Variants in HEATR1 observed in about 807,000 individuals in gnomAD.
HEATR1 encodes HEAT repeat-containing protein 1.
A neutral mutation model predicts 248.2 loss-of-function variants in HEATR1; 77 were observed. That is an observed-to-expected ratio of 0.31 (90% CI 0.26 to 0.37). The LOEUF (loss-of-function observed/expected upper bound fraction) is 0.37. Ranked by LOEUF, HEATR1 falls within the 10% of genes least tolerant of loss-of-function variation. The probability of loss-of-function intolerance (pLI) is 1.00; values close to 1 mark genes in which losing one functional copy is unlikely to be tolerated. For missense variants in HEATR1, 2,420 were observed against 2,504.9 expected (o/e 0.97, Z 0.72); for synonymous variants, 897 against 923.1 (o/e 0.97, Z 0.51).
intron 43 of HEATR1, 146 bp downstream of exon 43, chr1:236,553,435 A>G: frequency 1.3e-6 from 1 of 794,874 alleles, no homozygotes; most frequent in Non-Finnish European, 1.8e-6. Context: ...CCTAATACAA[A>G]AGACCGGACC....
At position 236,553,667 on chromosome 1, in the gene HEATR1, G is replaced by A; in HGVS notation, c.6151C>T (p.Gln2051Ter). The part of the protein sequence containing the change: ...VTKHLIPCIA[Q>*]FSVAMADDSL... ...TCATCCGCCATGGCCACCGAAAACT[G>A]TGCGATGCATGGTATCAGGTGCTTT... The change falls in exon 43 of 45, where the codon CAG (glutamine) becomes TAG (stop). Residue 2051 changes from glutamine to a stop codon, truncating the protein, a stop_gained. Transcript: ENST00000366582. LOFTEE classifies it high-confidence loss of function. 6.2e-7 allele frequency: 1 copy of A among 1,614,088 alleles called. No individual in the cohort carries two copies. Among genetic ancestry groups the A allele is most frequent in the Non-Finnish European group, 8.5e-7 (1 of 1,179,982 alleles).
chr1:236,589,938 G>A (rs984067673), intron 12 of HEATR1, among the ~76,000 whole-genome samples: 1 of 152,190 alleles, frequency 6.6e-6, no homozygotes, highest in Non-Finnish European at 1.5e-5. Flanking sequence ...TACTATCAGT[G>A]GTAATTTGTA....
chr1:236,568,900 A>AAAC, intron 29 of HEATR1, 96 bp downstream of exon 29: 3 of 577,730 alleles, frequency 5.2e-6, no homozygotes, highest in Middle Eastern at 4.9e-4. Context: ...AAAAAAAACA[A>AAAC]AAAAAAAAAA....
At chr1:236,599,692 G>C in intron 3 of HEATR1, 68 bp from the exon 4 acceptor site, 1 of 1,374,290 alleles carries the variant, frequency 7.3e-7, no homozygotes, top group Non-Finnish European at 1.0e-6. Context: ...TTCCTCACAT[G>C]CCCAAACTGT....
chr1:236,574,163 AACATTAATAAAAAAAATT>A lies in HEATR1; in HGVS notation c.3459+21_3459+38del, dbSNP rs772784518. 3 of 1,564,778 alleles carry A rather than the reference AACATTAATAAAAAAAATT, an allele frequency of 1.9e-6. No individual in the cohort carries two copies. The South Asian group carries it at 3.6e-5, about 19-fold the overall frequency. On this transcript the variant is annotated intron_variant, in intron 24 of 44. Coordinates refer to ENST00000366582, the MANE Select transcript of HEATR1 (RefSeq NM_018072.6). ...ATGGTGTCCCTTGGAAGAGACTATAAACATTAATAAAAAAAATTACAAGAAGTTTGCAGCTTACCCCTT... is the reference window on the plus strand; with the variant it reads ...ATGGTGTCCCTTGGAAGAGACTATAAACAAGAAGTTTGCAGCTTACCCCTT...
In HEATR1 at chr1:236,559,087, G is replaced by C; in HGVS notation, c.4819C>G (p.Leu1607Val). The C allele has an allele frequency of 6.2e-7, 1 of 1,612,372 alleles. No homozygotes were observed. ...TETFIPVIRGLVGNPLPSVRR... is the reference protein window; with the variant it reads ...TETFIPVIRGVVGNPLPSVRR... ...ACAGATGGCAGGGGATTGCCCACCA[G>C]CCCTCTGATCACAGGAATGAATGTC... The change falls in exon 35 of 45, where the codon CTG (leucine) becomes GTG (valine). Residue 1607 changes from leucine to valine, a missense_variant. Coordinates refer to ENST00000366582, the MANE Select transcript of HEATR1 (RefSeq NM_018072.6).
At position 236,592,531 on chromosome 1, in the gene HEATR1, T is replaced by C. The variant is rs145818478; in HGVS notation, c.1296A>G (p.Leu432=). 4.2e-4 allele frequency: 575 copies of C among 1,358,132 alleles called. 1 individual carries two copies. In the Middle Eastern group the frequency reaches 5.2e-3, roughly 12 times the overall value. The allele number at this position is 1,358,132 out of a possible 1,614,324, so 84.1% of individuals were successfully genotyped here. ...ATACACACGTAACTTACTTGCTTTCTAAAAGCCTAATGAGTGGAAGAAATT... is the reference window on the plus strand; with the variant it reads ...ATACACACGTAACTTACTTGCTTTCCAAAAGCCTAATGAGTGGAAGAAATT... ...NEQFLPLIRL[L]ESKYPRTLDV... The change falls in exon 10 of 45, where the codon TTA becomes TTG. Residue 432 remains leucine, a synonymous_variant. Transcript: ENST00000366582.
At chr1:236,592,157 T>A in intron 10 of HEATR1, 47 bp from the exon 11 acceptor site, 1 of 979,000 alleles carries the variant, frequency 1.0e-6, no homozygotes, top group Non-Finnish European at 1.6e-6. Context: ...ATAAATTTAT[T>A]AATCTCATAC....
chr1:236,572,642 T>C (rs1320308519), intron 25 of HEATR1, 83 bp downstream of exon 25: 4 of 1,596,414 alleles, frequency 2.5e-6, no homozygotes, highest in African/African-American at 2.7e-5. Flanking sequence ...AGCAAATTGA[T>C]GAGTATCAAA....
intron 20 of HEATR1, among the ~76,000 whole-genome samples, chr1:236,580,674 G>A (rs988040331): frequency 2.0e-5 from 3 of 151,854 alleles, no homozygotes; most frequent in Admixed American, 6.6e-5. Context: ...GCACCATCAC[G>A]CCCAGCTAAT....
intron 40 of HEATR1, 35 bp downstream of exon 40, chr1:236,555,516 G>C (rs747850675): frequency 2.5e-5 from 40 of 1,613,748 alleles, no homozygotes; most frequent in Non-Finnish European, 3.4e-5. Flanking sequence ...ACTTAAATCT[G>C]AGCACAAAAG....
rs181184819 is a variant in HEATR1 at position 236,566,553 on chromosome 1, A to T, written c.4308+93T>A. ...AAAAAGGTTCTAAATAACACACATT[A>T]GGCATCATCAGCCCCATGTTTAAAC... is the stretch of plus-strand genomic sequence containing the variant. On this transcript the variant is annotated intron_variant, in intron 30 of 44. Coordinates refer to ENST00000366582, the MANE Select transcript of HEATR1 (RefSeq NM_018072.6). 9.9e-4 allele frequency: 878 copies of T among 883,006 alleles called. 4 individuals carry two copies. In the African/African-American group the frequency reaches 0.012, roughly 12 times the overall value. The allele number at this position is 883,006 out of a possible 1,614,324, so 54.7% of individuals were successfully genotyped here.
intron 9 of HEATR1, 77 bp downstream of exon 9, chr1:236,593,935 A>T: frequency 1.0e-6 from 1 of 959,332 alleles, no homozygotes; most frequent in Non-Finnish European, 1.6e-6. Flanking sequence ...GAATGCTGGG[A>T]AATTTCTAAC....
chr1:236,598,705 T>G (rs1247197886), intron 4 of HEATR1, among the ~76,000 whole-genome samples: 2 of 152,310 alleles, frequency 1.3e-5, no homozygotes, highest in East Asian at 3.9e-4. Context: ...CCTATCTTAC[T>G]AATTCTGAAC....
intron 20 of HEATR1, among the ~76,000 whole-genome samples, chr1:236,579,016 T>C (rs1026525432): frequency 2.0e-4 from 31 of 152,330 alleles, no homozygotes; most frequent in Middle Eastern, 3.4e-3. Context: ...TGCTAGAAAT[T>C]TTCCATTATA....
chr1:236,551,951 T>C, intron 44 of HEATR1, 48 bp downstream of exon 44: 1 of 1,249,772 alleles, frequency 8.0e-7, no homozygotes, highest in Non-Finnish European at 1.2e-6. Flanking sequence ...AGAATTTTAC[T>C]GAATTATTCC....
At position 236,555,893 on chromosome 1, in the gene HEATR1, A is replaced by G. The variant is rs1885533; in HGVS notation, c.5561T>C (p.Val1854Ala). 1,060,447 of 1,611,712 alleles carry G rather than the reference A, an allele frequency of 0.66. 355,684 individuals are homozygous for G. The highest frequency in any genetic ancestry group is 0.7 in the Non-Finnish European group (821,597 of 1,177,968). Residue 1854 changes from valine to alanine, a missense_variant, in exon 39 of 45, where the codon GTG becomes GCG. Val to Ala is a moderately conservative substitution (Grantham distance 64). Transcript: ENST00000366582. ...GGAGGTGAGCTCTTCCTTCTTCATC[A>G]CCCCAATATGCTCTTGCAAGATGCT... is the stretch of plus-strand genomic sequence containing the variant. ...FMSILQEHIG[V>A]MKKEELTSHQ...
At chr1:236,583,479 T>C (rs1042155046) in intron 17 of HEATR1, among the ~76,000 whole-genome samples, 36 of 127,946 alleles carry the variant, frequency 2.8e-4, no homozygotes, top group African/African-American at 9.8e-4. Context: ...TAAATAGGCA[T>C]ATTTCTTTTT....
chr1:236,592,609 T>C lies in HEATR1; in HGVS notation c.1218A>G (p.Ser406=), dbSNP rs768191636. The C allele has an allele frequency of 1.4e-6, 2 of 1,453,452 alleles. No homozygotes were observed. The highest frequency in any genetic ancestry group is 1.9e-6 in the Non-Finnish European group (2 of 1,045,622). 90.0% of individuals were successfully genotyped at this position (1,453,452 alleles called of 1,614,324 possible). Residue 406 remains serine, a synonymous_variant, in exon 10 of 45, where the codon TCA becomes TCG. Coordinates refer to ENST00000366582, the MANE Select transcript of HEATR1 (RefSeq NM_018072.6). ...LASLLFEEYI[S]YSSQEEMDSN... is the part of the protein sequence containing the mutation. ...AATCCATTTCTTCCTGTGAACTATA[T>C]GAAATATACTCTTCAAATAGAAGGC...
Sources: allele counts gnomAD v4.1 joint callset (sites outside exome capture counted in the v4.1 genomes callset), GRCh38; gene constraint gnomAD v4.1.1; transcripts MANE v1.5; gene names NCBI Gene and HGNC (gene_info 2026-07-23, HGNC 2026-07-21).